Variants in HMGB1 observed in about 807,000 individuals in gnomAD.
The protein encoded by HMGB1 is high mobility group box 1.
For missense variants in HMGB1, 79 were observed against 253.5 expected (o/e 0.31, Z 4.67); for synonymous variants, 81 against 84.0 (o/e 0.96, Z 0.19).
chr13:30,472,723 A>G (rs541057437), intron 1 of HMGB1, among the ~76,000 whole-genome samples: 2 of 152,322 alleles, frequency 1.3e-5, no homozygotes, highest in South Asian at 2.1e-4. Context: ...AAGTCAAGCT[A>G]TATGAATTCT....
intron 1 of HMGB1, among the ~76,000 whole-genome samples, chr13:30,471,913 C>G (rs561549808): frequency 6.6e-6 from 1 of 151,850 alleles, no homozygotes; most frequent in Non-Finnish European, 1.5e-5. Flanking sequence ...GTGATCCGCC[C>G]GCCTAAGGCC....
At chr13:30,523,032 A>T (rs1255652072) in intron 1 of HMGB1, among the ~76,000 whole-genome samples, 1 of 152,202 alleles carries the variant, frequency 6.6e-6, no homozygotes, top group Non-Finnish European at 1.5e-5. Context: ...AACAAATTCT[A>T]TAGCCTTGCC....
At chr13:30,509,862 T>C (rs768055344) in intron 1 of HMGB1, among the ~76,000 whole-genome samples, 1 of 152,230 alleles carries the variant, frequency 6.6e-6, no homozygotes, top group African/African-American at 2.4e-5. Flanking sequence ...AAGCTCTGAA[T>C]TGTTAAGTAT....
intron 1 of HMGB1, among the ~76,000 whole-genome samples, chr13:30,533,707 C>G (rs1888548031): frequency 6.6e-6 from 1 of 151,964 alleles, no homozygotes; most frequent in African/African-American, 2.4e-5. Flanking sequence ...CAATATTTGC[C>G]TTGTGACACA....
At chr13:30,518,631 C>T (rs1888153455) in intron 1 of HMGB1, among the ~76,000 whole-genome samples, 1 of 151,956 alleles carries the variant, frequency 6.6e-6, no homozygotes, top group South Asian at 2.1e-4. Flanking sequence ...ATGAGAAATG[C>T]TTGAAGAGCA....
At position 30,536,292 on chromosome 13, in the gene HMGB1, A is replaced by G. The variant is rs566555935; in HGVS notation, c.-14-72598T>C. Among the ~76,000 whole-genome samples, 6 of 152,318 alleles carry G rather than the reference A, an allele frequency of 3.9e-5. No homozygotes were observed. In the East Asian group the frequency reaches 1.2e-3, roughly 29 times the overall value. On this transcript the variant is annotated intron_variant, in intron 1 of 4. Transcript: ENST00000405805. Reference sequence around the variant, plus strand: ...TTCCTATCATAGGGTATTAGGATTCAGACTTTTTTTTTAACTTTTGCTTCA... The same window carrying G: ...TTCCTATCATAGGGTATTAGGATTCGGACTTTTTTTTTAACTTTTGCTTCA...
chr13:30,467,329 AT>A (rs1182043940), upstream of HMGB1, among the ~76,000 whole-genome samples: 1 of 152,192 alleles, frequency 6.6e-6, no homozygotes. Flanking sequence ...TGTTAATTTG[AT>A]TTTTTATATC....
chr13:30,469,917 C>T (rs1565997735), upstream of HMGB1, among the ~76,000 whole-genome samples: 2 of 152,260 alleles, frequency 1.3e-5, no homozygotes, highest in African/African-American at 2.4e-5. Flanking sequence ...GCATGAGCCA[C>T]TGTGCCCAGC....
chr13:30,564,278 CAAAAA>C (rs60208654), intron 1 of HMGB1, among the ~76,000 whole-genome samples: 3,751 of 105,838 alleles, frequency 0.035, 132 homozygotes, highest in African/African-American at 0.096. Context: ...ACTAAAAATG[CAAAAA>C]AAAAAAAAAA....
rs911271192 is a variant in HMGB1, at chr13:30,572,884, T to A, written c.-15+43787A>T. ...CCACACTCTTGGCTTATTCTCACAATTATCTAGATATCTAGCAACAAAACT... is the reference window on the plus strand; with the variant it reads ...CCACACTCTTGGCTTATTCTCACAAATATCTAGATATCTAGCAACAAAACT... On this transcript the variant is annotated intron_variant, in intron 1 of 4. Transcript: ENST00000405805. Among the ~76,000 whole-genome samples, 14 of 152,348 alleles carry A rather than the reference T, an allele frequency of 9.2e-5. 2 individuals carry two copies. In the South Asian group the frequency reaches 2.9e-3, roughly 32 times the overall value.
intron 1 of HMGB1, among the ~76,000 whole-genome samples, chr13:30,525,342 C>T: frequency 6.6e-6 from 1 of 152,312 alleles, no homozygotes; most frequent in Non-Finnish European, 1.5e-5. Flanking sequence ...AGCAAAATGT[C>T]TCAGTATTCT....
intron 1 of HMGB1, among the ~76,000 whole-genome samples, chr13:30,474,949 T>C (rs572690737): frequency 8.3e-6 from 1 of 119,898 alleles, no homozygotes; most frequent in East Asian, 2.7e-4. Flanking sequence ...TTTTTTTCTT[T>C]TCTTTTTTTG....
chr13:30,464,501 C>A (rs1027759483), intron 1 of HMGB1: 25 of 984,682 alleles, frequency 2.5e-5, no homozygotes, highest in Non-Finnish European at 3.0e-5. Context: ...TCGCCGGTGG[C>A]CGCGCGGCCG....
intron 1 of HMGB1, among the ~76,000 whole-genome samples, chr13:30,526,614 T>C (rs780422606): frequency 3.9e-5 from 6 of 152,204 alleles, no homozygotes; most frequent in Non-Finnish European, 7.3e-5. Flanking sequence ...GCCTGCCTCA[T>C]AGGGCTATTG....
At chr13:30,485,485 G>A (rs982611284) in intron 1 of HMGB1, among the ~76,000 whole-genome samples, 2 of 152,032 alleles carry the variant, frequency 1.3e-5, no homozygotes, top group East Asian at 1.9e-4. Flanking sequence ...TGGTGTCACC[G>A]GAAAACACGG....
intron 1 of HMGB1, among the ~76,000 whole-genome samples, chr13:30,538,458 C>CT (rs1248555831): frequency 1.4e-5 from 1 of 70,160 alleles, no homozygotes; most frequent in African/African-American, 8.5e-5. Flanking sequence ...GCAATTCTTT[C>CT]TTTCTTTCTT....
chr13:30,562,668 G>A (rs189510861), intron 1 of HMGB1, among the ~76,000 whole-genome samples: 12 of 152,274 alleles, frequency 7.9e-5, no homozygotes, highest in Middle Eastern at 3.4e-3. Context: ...ACAGGGCTAC[G>A]AATCTAAGAG....
intron 1 of HMGB1, among the ~76,000 whole-genome samples, chr13:30,612,338 A>G (rs1007879211): frequency 1.3e-5 from 2 of 152,054 alleles, no homozygotes; most frequent in Non-Finnish European, 2.9e-5. Context: ...GGACAGCTTG[A>G]CACAAGACAC....
chr13:30,485,572 T>C (rs867276496), intron 1 of HMGB1, among the ~76,000 whole-genome samples: 1 of 152,004 alleles, frequency 6.6e-6, no homozygotes, highest in Admixed American at 6.6e-5. Flanking sequence ...GCAACAAAAA[T>C]AATCAAGTGC....
Sources: gnomAD v4.1 joint callset for allele counts (sites outside exome capture counted in the v4.1 genomes callset) on GRCh38, gnomAD v4.1.1 for gene constraint, MANE v1.5 for transcripts, NCBI Gene and HGNC (gene_info 2026-07-23, HGNC 2026-07-21) for gene names.